The following ERGIC2 variants were observed in gnomAD, a reference collection of about 807,000 sequenced individuals.
The protein encoded by ERGIC2 is endoplasmic reticulum-Golgi intermediate compartment protein 2.
Under a neutral mutation model 52.5 loss-of-function variants are expected in ERGIC2, and 31 were observed. That is an observed-to-expected ratio of 0.59 (90% CI 0.44 to 0.80). The LOEUF is 0.80. ERGIC2 is among the 30% of genes least tolerant of loss of function. The pLI is 0.00. For missense variants in ERGIC2, 395 were observed against 455.2 expected, an observed-to-expected ratio of 0.87 and a Z score of 1.20; for synonymous variants, 129 against 140.6, an observed-to-expected ratio of 0.92 and a Z score of 0.58.
chr12:29,381,091 C>T (rs115696458), intron 1 of ERGIC2, 24 bp downstream of exon 1: 4,475 of 152,300 alleles, frequency 0.029, 214 homozygotes, highest in African/African-American at 0.1. Context: ...GGGAACAGCA[C>T]CCAGCGGTGT....
chr12:29,341,203 C>T lies in ERGIC2; in HGVS notation c.1087G>A (p.Gly363Ser). The change falls in exon 14 of 14, where the codon GGC becomes AGC. Residue 363 changes from glycine (G) to serine (S), a missense_variant. Coordinates refer to ENST00000360150, the MANE Select transcript of ERGIC2 (RefSeq NM_016570.3). ...AGAGGTAAGTGGTTGTCTGTGTGGCCATCCTCAAAAGGAACCTAAGGAGAA... is the reference window on the plus strand; with the variant it reads ...AGAGGTAAGTGGTTGTCTGTGTGGCTATCCTCAAAAGGAACCTAAGGAGAA... ...KPVNSVPFED[G>S]HTDNHLPLLE... The T allele has an allele frequency of 6.2e-7, 1 of 1,608,986 alleles. No homozygotes were observed. The highest frequency in any genetic ancestry group is 8.5e-7 in the Non-Finnish European group (1 of 1,177,096).
intron 1 of ERGIC2, 112 bp from the exon 2 acceptor site, chr12:29,371,782 C>A: frequency 1.8e-6 from 1 of 565,894 alleles, no homozygotes; most frequent in Non-Finnish European, 3.1e-6. Context: ...ATTCTCATCC[C>A]CCCTTAAAAA....
At chr12:29,351,686 G>A (rs967472822) in intron 8 of ERGIC2, among the ~76,000 whole-genome samples, 4 of 152,110 alleles carry the variant, frequency 2.6e-5, no homozygotes, top group African/African-American at 9.7e-5. Context: ...TTTTTCTGGA[G>A]TCATTTCTTT....
intron 6 of ERGIC2, among the ~76,000 whole-genome samples, chr12:29,359,817 C>T (rs1236759751): frequency 6.6e-6 from 1 of 151,668 alleles, no homozygotes; most frequent in Non-Finnish European, 1.5e-5. Context: ...CTATATAAAG[C>T]CTTTATAAGT....
chr12:29,360,287 T>C (rs1940265106), intron 6 of ERGIC2, among the ~76,000 whole-genome samples: 1 of 151,818 alleles, frequency 6.6e-6, no homozygotes. Context: ...TCATTGAGTA[T>C]TGTTTTTAAT....
At chr12:29,345,562 T>C (rs947730193) in intron 10 of ERGIC2, 22 bp from the exon 11 acceptor site, 9 of 1,309,286 alleles carry the variant, frequency 6.9e-6, no homozygotes, top group Middle Eastern at 1.9e-4. Flanking sequence ...AAAAAACTTT[T>C]TATCAATTCA....
intron 4 of ERGIC2, 30 bp from the exon 5 acceptor site, chr12:29,366,977 C>T: frequency 7.1e-7 from 1 of 1,401,850 alleles, no homozygotes; most frequent in Non-Finnish European, 9.7e-7. Context: ...AGAAGTTTTA[C>T]ATTCTATGCT....
intron 1 of ERGIC2, among the ~76,000 whole-genome samples, chr12:29,374,686 T>C (rs776390543): frequency 2.6e-5 from 4 of 152,216 alleles, no homozygotes; most frequent in Non-Finnish European, 5.9e-5. Context: ...ACATGGGTTA[T>C]ATCTTTAGAC....
At chr12:29,357,793 G>T in intron 6 of ERGIC2, 69 bp from the exon 7 acceptor site, 1 of 871,018 alleles carries the variant, frequency 1.1e-6, no homozygotes, top group South Asian at 1.4e-5. Context: ...ATTCAAAAAT[G>T]ACAATGTTTA....
intron 10 of ERGIC2, among the ~76,000 whole-genome samples, chr12:29,348,055 C>G (rs1276607779): frequency 3.3e-5 from 5 of 152,146 alleles, no homozygotes; most frequent in Non-Finnish European, 5.9e-5. Flanking sequence ...GGAGAATTAA[C>G]ATATGCTTAG....
chr12:29,349,053 TC>T, intron 10 of ERGIC2, 25 bp downstream of exon 10: 1 of 1,264,330 alleles, frequency 7.9e-7, no homozygotes, highest in Non-Finnish European at 1.1e-6. Context: ...ACATGTAAAA[TC>T]CAACAATAAT....
chr12:29,351,871 T>C (rs1225428707), intron 8 of ERGIC2, among the ~76,000 whole-genome samples: 1 of 152,194 alleles, frequency 6.6e-6, no homozygotes. Context: ...TCATTGCTTT[T>C]TTATAGGTTG....
intron 8 of ERGIC2, among the ~76,000 whole-genome samples, chr12:29,350,848 T>C (rs1940120971): frequency 6.6e-6 from 1 of 152,112 alleles, no homozygotes; most frequent in Non-Finnish European, 1.5e-5. Context: ...GCAAACGCTA[T>C]CAAGGCATGA....
chr12:29,380,330 T>C (rs939824949), intron 1 of ERGIC2, among the ~76,000 whole-genome samples: 1 of 152,034 alleles, frequency 6.6e-6, no homozygotes, highest in African/African-American at 2.4e-5. Flanking sequence ...AATGAATAAA[T>C]CCTGTTTTTA....
intron 9 of ERGIC2, 30 bp downstream of exon 9, chr12:29,349,983 T>C (rs749422425): frequency 2.8e-6 from 4 of 1,453,256 alleles, no homozygotes; most frequent in Non-Finnish European, 3.9e-6. Context: ...CAAGTACATC[T>C]TTACTGAAAA....
chr12:29,360,922 A>T lies in ERGIC2; in HGVS notation c.374+723T>A, dbSNP rs553306096. Reference sequence around the variant, plus strand: ...GATCAGTTAAAAAAAAAAGAAAATCACAAAAAAATCTCATAACTTTTTCAG... The same window carrying T: ...GATCAGTTAAAAAAAAAAGAAAATCTCAAAAAAATCTCATAACTTTTTCAG... On this transcript the variant is annotated intron_variant, in intron 6 of 13. Coordinates refer to ENST00000360150, the MANE Select transcript of ERGIC2 (RefSeq NM_016570.3). Among the ~76,000 whole-genome samples, 456 of 152,096 alleles carry T rather than the reference A, an allele frequency of 3.0e-3. 1 individual carries two copies. The highest frequency in any genetic ancestry group is 0.011 in the African/African-American group (442 of 41,516).
chr12:29,378,933 C>G lies in ERGIC2; in HGVS notation c.-38+2182G>C, dbSNP rs114972141. Among the ~76,000 whole-genome samples the G allele has an allele frequency of 7.3e-3, 1,106 of 152,160 alleles. 10 individuals are homozygous for G. Among genetic ancestry groups the G allele is most frequent in the African/African-American group, 0.025 (1,046 of 41,512 alleles). Reference sequence around the variant, plus strand: ...AAGATAAAAATGAGGCATGTAATATCTATTTCTAATTCTCTGAAAAAAAGC... The same window carrying G: ...AAGATAAAAATGAGGCATGTAATATGTATTTCTAATTCTCTGAAAAAAAGC... On this transcript the variant is annotated intron_variant, in intron 1 of 13. Coordinates refer to ENST00000360150, the MANE Select transcript of ERGIC2 (RefSeq NM_016570.3).
At chr12:29,344,818 T>C (rs750926670) in intron 11 of ERGIC2, among the ~76,000 whole-genome samples, 3 of 152,140 alleles carry the variant, frequency 2.0e-5, no homozygotes, top group Non-Finnish European at 4.4e-5. Flanking sequence ...GAATTCACCA[T>C]TCAAACACAA....
rs757214961 is a variant in ERGIC2, at chr12:29,343,301, G to A, written c.826-19C>T. On this transcript the variant is annotated intron_variant, in intron 11 of 13. Transcript: ENST00000360150. Reference sequence around the variant, plus strand: ...TACGTTCCTAAAAGGGAGGCAAAAGGAAGGGGAGAAATAGGAGGAAGAGAG... The same window carrying A: ...TACGTTCCTAAAAGGGAGGCAAAAGAAAGGGGAGAAATAGGAGGAAGAGAG... 3 of 1,560,406 alleles carry A rather than the reference G, an allele frequency of 1.9e-6. No individual in the cohort carries two copies. Among genetic ancestry groups the A allele is most frequent in the Non-Finnish European group, 2.6e-6 (3 of 1,148,330 alleles).
Sources: allele counts gnomAD v4.1 joint callset (sites outside exome capture counted in the v4.1 genomes callset), GRCh38; gene constraint gnomAD v4.1.1; transcripts MANE v1.5; gene names NCBI Gene and HGNC (gene_info 2026-07-23, HGNC 2026-07-21).